The following HTT variants were observed in gnomAD, a reference collection of about 807,000 sequenced individuals.
HTT encodes huntingtin.
Under a neutral mutation model 362.3 loss-of-function variants are expected in HTT, and 104 were observed. That is an observed-to-expected ratio of 0.29 (90% CI 0.24 to 0.34). The LOEUF (loss-of-function observed/expected upper bound fraction) is 0.34. Ranked by LOEUF, HTT falls within the 10% of genes least tolerant of loss-of-function variation. The pLI, the probability that HTT is intolerant of heterozygous loss-of-function variation, is 1.00. For synonymous variants in HTT, 1,577 were observed against 1,548.7 expected, an observed-to-expected ratio of 1.02 and a Z score of -0.43; for missense variants, 3,301 against 3,928.6, an observed-to-expected ratio of 0.84 and a Z score of 4.27.
intron 2 of HTT, among the ~76,000 whole-genome samples, chr4:3,095,134 G>A (rs1274245656): frequency 1.3e-5 from 2 of 152,248 alleles, no homozygotes; most frequent in African/African-American, 4.8e-5. Context: ...TGGCGGCTGG[G>A]CAGAGGCCGC....
intron 10 of HTT, 86 bp from the exon 11 acceptor site, chr4:3,125,463 T>C (rs1253522070): frequency 1.3e-6 from 1 of 786,244 alleles, no homozygotes; most frequent in African/African-American, 1.7e-5. Flanking sequence ...AATATTCTTA[T>C]GAGTTTCATT....
intron 47 of HTT, 160 bp from the exon 48 acceptor site, chr4:3,211,769 C>A (rs1252524639): frequency 3.1e-5 from 18 of 587,636 alleles, no homozygotes; most frequent in Non-Finnish European, 3.0e-6. Context: ...TTATAACAGG[C>A]ATAGAGTAGA....
At chr4:3,204,638 G>C (rs1335962064) in intron 42 of HTT, among the ~76,000 whole-genome samples, 1 of 152,084 alleles carries the variant, frequency 6.6e-6, no homozygotes, top group Non-Finnish European at 1.5e-5. Flanking sequence ...ACAAGCCTGG[G>C]CTATGGTGTG....
chr4:3,236,653 G>C (rs1211393840), intron 64 of HTT, among the ~76,000 whole-genome samples: 1 of 152,198 alleles, frequency 6.6e-6, no homozygotes, highest in Non-Finnish European at 1.5e-5. Flanking sequence ...CGGGGCTGTG[G>C]GAGGGGGGCC....
At chr4:3,237,282 TG>T (rs1350840923) in intron 64 of HTT, among the ~76,000 whole-genome samples, 1 of 152,156 alleles carries the variant, frequency 6.6e-6, no homozygotes, top group African/African-American at 2.4e-5. Flanking sequence ...CCGTGTTGGC[TG>T]GGCTGGTCTC....
chr4:3,117,327 C>T (rs1351686162), intron 8 of HTT, among the ~76,000 whole-genome samples: 2 of 151,822 alleles, frequency 1.3e-5, no homozygotes, highest in Non-Finnish European at 2.9e-5. Flanking sequence ...TAGTTTATTT[C>T]ATCTTTACCT....
intron 1 of HTT, 83 bp from the exon 2 acceptor site, chr4:3,086,856 C>A: frequency 1.4e-6 from 1 of 728,714 alleles, no homozygotes; most frequent in Non-Finnish European, 2.4e-6. Flanking sequence ...GAGAAACACT[C>A]ACTGAATGAA....
rs1190212235 is a variant in HTT, at chr4:3,228,091, C to T, written c.7849-524C>T. Among the ~76,000 whole-genome samples, 1 of 152,172 alleles carries T rather than the reference C, an allele frequency of 6.6e-6. No individual in the cohort carries two copies. Among genetic ancestry groups the T allele is most frequent in the African/African-American group, 2.4e-5 (1 of 41,442 alleles). On this transcript the variant is annotated intron_variant, in intron 57 of 66. Transcript: ENST00000355072. The surrounding 1 kb of genome is among the most constrained non-coding windows in gnomAD (Gnocchi z 4.3). The stretch of plus-strand genomic sequence containing the variant: ...AACAGCTTTTTATGGGCACACAGCC[C>T]ACAGCACTGTGCCAAGTGCTCGAGG...
intron 40 of HTT, among the ~76,000 whole-genome samples, chr4:3,196,319 A>T (rs116775224): frequency 6.6e-6 from 1 of 152,076 alleles, no homozygotes; most frequent in African/African-American, 2.4e-5. Context: ...GGGACCTTCT[A>T]TCCTGTCCCC....
Position 3,134,414 on chromosome 4 carries a change from GTC to G in HTT, c.2511_2512del (p.Cys838GlnfsTer6), listed in dbSNP as rs1372337315. The G allele has an allele frequency of 6.2e-7, 1 of 1,613,890 alleles. No homozygotes were observed. Among genetic ancestry groups the G allele is most frequent in the Non-Finnish European group, 8.5e-7 (1 of 1,179,868 alleles). On this transcript the variant is annotated frameshift_variant, in exon 19 of 67. Coordinates refer to ENST00000355072, the MANE Select transcript of HTT (RefSeq NM_001388492.1). LOFTEE classifies it high-confidence loss of function. ...CTTGTGTTCCAGAACTGTGTCATGA[GTC>G]TCTGCAGCAGCAGCTACAGTGAGTT...
intron 29 of HTT, among the ~76,000 whole-genome samples, chr4:3,163,240 G>A (rs576494314): frequency 1.1e-4 from 16 of 152,264 alleles, no homozygotes; most frequent in South Asian, 4.1e-4. Context: ...ATTGATTTGC[G>A]TATGTTGAAC....
intron 29 of HTT, among the ~76,000 whole-genome samples, chr4:3,160,749 G>C (rs1407004106): frequency 6.6e-6 from 1 of 152,102 alleles, no homozygotes; most frequent in African/African-American, 2.4e-5. Flanking sequence ...CGGGAGGTGT[G>C]ACTTGCTCTT....
At chr4:3,179,172 T>C (rs1466296949) in intron 35 of HTT, among the ~76,000 whole-genome samples, 1 of 152,182 alleles carries the variant, frequency 6.6e-6, no homozygotes, top group Non-Finnish European at 1.5e-5. Flanking sequence ...ACTCAGCGTG[T>C]GTGCAGAAGA....
intron 29 of HTT, among the ~76,000 whole-genome samples, chr4:3,168,297 C>T (rs1332310245): frequency 1.3e-5 from 2 of 152,188 alleles, no homozygotes; most frequent in Non-Finnish European, 2.9e-5. Context: ...ATGCATAGGC[C>T]TCTGCATGTG....
intron 1 of HTT, among the ~76,000 whole-genome samples, chr4:3,083,528 TATACACAC>T (rs1396294626): frequency 0.014 from 1,210 of 83,910 alleles, 24 homozygotes; most frequent in South Asian, 0.023. Flanking sequence ...TGTCTCTAAA[TATACACAC>T]ACACACACAC....
At chr4:3,229,811 G>A (rs1721162548) in intron 59 of HTT, 76 bp from the exon 60 acceptor site, 6 of 1,471,924 alleles carry the variant, frequency 4.1e-6, no homozygotes, top group Non-Finnish European at 5.7e-6. Context: ...CTTGCCAGTA[G>A]TAGCGTTCTG....
chr4:3,237,299 C>A (rs1721584819), intron 64 of HTT, among the ~76,000 whole-genome samples: 1 of 152,198 alleles, frequency 6.6e-6, no homozygotes, highest in South Asian at 2.1e-4. Flanking sequence ...GTCTCGAACT[C>A]CTGAACTCAA....
At chr4:3,165,071 T>G (rs746265424) in intron 29 of HTT, among the ~76,000 whole-genome samples, 90 of 152,336 alleles carry the variant, frequency 5.9e-4, no homozygotes, top group Non-Finnish European at 1.0e-3. Flanking sequence ...GGTTGTTCCT[T>G]TCCATGTTTA....
rs947056055 is a variant in HTT at position 3,091,900 on chromosome 4, C to G, written c.347+4878C>G. ...TATGTCTGACCTAGCAGTTTTACCT[C>G]TAGGGTGCTTACCCCTAGGAAAGTG... On this transcript the variant is annotated intron_variant, in intron 2 of 66. Transcript: ENST00000355072. 2.6e-5 allele frequency among the ~76,000 whole-genome samples: 4 copies of G among 152,194 alleles called. No homozygotes were observed. In the South Asian group the frequency reaches 6.2e-4, roughly 24 times the overall value.
Sources: gnomAD v4.1 joint callset for allele counts (sites outside exome capture counted in the v4.1 genomes callset) on GRCh38, gnomAD v4.1.1 for gene constraint, Gnocchi (gnomAD v3.1) non-coding constraint, MANE v1.5 for transcripts, NCBI Gene and HGNC (gene_info 2026-07-23, HGNC 2026-07-21) for gene names.